NDUFAF6: variants seen among roughly 807,000 people sequenced by gnomAD.
The protein encoded by NDUFAF6 is NADH dehydrogenase (ubiquinone) complex I, assembly factor 6.
Under a neutral mutation model 40.8 loss-of-function variants are expected in NDUFAF6, and 45 were observed. The ratio of observed to expected loss-of-function variants is 1.10; its 90% CI spans 0.87 to 1.42. The LOEUF (loss-of-function observed/expected upper bound fraction) is 1.42. NDUFAF6 is among the 40% of genes most tolerant of loss of function. The pLI is 0.00. For synonymous variants in NDUFAF6, 185 were observed against 155.9 expected (o/e 1.19, Z -1.39); for missense variants, 435 against 418.5 (o/e 1.04, Z -0.34).
chr8:94,962,186 A>C (rs911089455), intron 1 of NDUFAF6, among the ~76,000 whole-genome samples: 2 of 152,254 alleles, frequency 1.3e-5, no homozygotes, highest in Non-Finnish European at 2.9e-5. Context: ...ACAGGTACAC[A>C]ATGCTCAGAG....
intron 2 of NDUFAF6, among the ~76,000 whole-genome samples, chr8:94,951,741 T>C (rs527562314): frequency 6.6e-6 from 1 of 152,256 alleles, no homozygotes; most frequent in Non-Finnish European, 1.5e-5. Flanking sequence ...TTAAAATTCT[T>C]TGCAGACACA....
At chr8:95,024,873 C>G, upstream of NDUFAF6, 1 of 762,986 alleles carries the variant, frequency 1.3e-6, no homozygotes, top group Non-Finnish European at 1.8e-6. Flanking sequence ...CACAGCGACA[C>G]CTGGCTCTTC....
At chr8:95,063,794 A>T (rs1178383916) in intron 9 of NDUFAF6, among the ~76,000 whole-genome samples, 2 of 151,826 alleles carry the variant, frequency 1.3e-5, no homozygotes, top group African/African-American at 4.8e-5. Context: ...GATCTCTTTT[A>T]TGGGTGTCAC....
At chr8:95,061,741 CA>C (rs960254299), downstream of NDUFAF6, among the ~76,000 whole-genome samples, 4 of 151,960 alleles carry the variant, frequency 2.6e-5, no homozygotes, top group Non-Finnish European at 5.9e-5. Context: ...GTTTGTTCAG[CA>C]AAAAGGAATA....
rs78890639 is a variant in NDUFAF6, at chr8:95,031,151, C to G, written c.198-844C>G. On this transcript the variant is annotated intron_variant, in intron 1 of 8. Coordinates refer to ENST00000396124, the MANE Select transcript of NDUFAF6 (RefSeq NM_152416.4). The stretch of plus-strand genomic sequence containing the variant: ...AGACAAATATCCAGATATCAGAGCC[C>G]TAGTTTCTTTCAGTGGAGAATGGTT... Among the ~76,000 whole-genome samples, 877 of 152,258 alleles carry G rather than the reference C, an allele frequency of 5.8e-3. 4 individuals are homozygous for G. The highest frequency in any genetic ancestry group is 0.02 in the African/African-American group (820 of 41,540).
chr8:94,917,953 G>A (rs1819248381), intron 1 of NDUFAF6, among the ~76,000 whole-genome samples: 1 of 152,174 alleles, frequency 6.6e-6, no homozygotes. Flanking sequence ...TCTGGGGGCT[G>A]TGAATTGATA....
At chr8:95,077,718 C>T (rs1014152892), downstream of NDUFAF6, among the ~76,000 whole-genome samples, 9 of 152,100 alleles carry the variant, frequency 5.9e-5, no homozygotes, top group African/African-American at 1.9e-4. Context: ...TTGTGGGAGA[C>T]GAGGAGTAGT....
chr8:95,034,817 C>T (rs990771694), intron 2 of NDUFAF6: 3 of 152,392 alleles, frequency 2.0e-5, no homozygotes, highest in Non-Finnish European at 4.4e-5. Context: ...AGACCATGTT[C>T]CTCATCAAAA....
At chr8:94,932,125 T>C in intron 1 of NDUFAF6, 1 of 1,606,204 alleles carries the variant, frequency 6.2e-7, no homozygotes, top group Non-Finnish European at 8.5e-7. Flanking sequence ...TGTTAAATGG[T>C]GAACTATTAA....
At chr8:95,099,173 G>A (rs1809574222), upstream of NDUFAF6, among the ~76,000 whole-genome samples, 4 of 152,048 alleles carry the variant, frequency 2.6e-5, no homozygotes, top group African/African-American at 2.4e-5. Flanking sequence ...CCAGGATGTT[G>A]AGGCTGCAGT....
At chr8:95,011,930 C>G (rs998422662) in intron 2 of NDUFAF6, among the ~76,000 whole-genome samples, 3 of 152,124 alleles carry the variant, frequency 2.0e-5, no homozygotes, top group African/African-American at 7.2e-5. Flanking sequence ...TACTGAAATT[C>G]TGGAGCCTTA....
At chr8:94,951,083 G>A (rs938196738) in intron 2 of NDUFAF6, 1 of 152,278 alleles carries the variant, frequency 6.6e-6, no homozygotes. Context: ...GGACTTCCAA[G>A]CCTCGTCATT....
intron 7 of NDUFAF6, among the ~76,000 whole-genome samples, chr8:95,049,320 G>A (rs1306480827): frequency 6.6e-6 from 1 of 152,086 alleles, no homozygotes; most frequent in East Asian, 1.9e-4. Flanking sequence ...TCTCCTGCCT[G>A]TCACTTTAGT....
intron 1 of NDUFAF6, among the ~76,000 whole-genome samples, chr8:94,904,319 G>A (rs11994426): frequency 5.5e-5 from 1 of 18,146 alleles, no homozygotes; most frequent in African/African-American, 2.8e-4. Context: ...AATTTTTTTT[G>A]CTTTTTTTTT....
At chr8:95,076,896 T>C (rs1808646465), downstream of NDUFAF6, among the ~76,000 whole-genome samples, 1 of 140,332 alleles carries the variant, frequency 7.1e-6, no homozygotes, top group African/African-American at 2.7e-5. Context: ...AAAAAATTCA[T>C]AGCACCTGGT....
At position 94,986,014 on chromosome 8, in the gene NDUFAF6, C is replaced by T. The variant is rs1010453244; in HGVS notation, c.-84+5041C>T. Among the ~76,000 whole-genome samples, 9 of 151,882 alleles carry T rather than the reference C, an allele frequency of 5.9e-5. No individual in the cohort carries two copies. The South Asian group carries it at 1.2e-3, about 21-fold the overall frequency. Reference sequence around the variant, plus strand: ...TCAGCCTCCCAAGTAGCTGGGACTACAGGCGTGTGCCACCATGCCCGGCTA... The same window carrying T: ...TCAGCCTCCCAAGTAGCTGGGACTATAGGCGTGTGCCACCATGCCCGGCTA... On this transcript the variant is annotated intron_variant, in intron 2 of 9. Coordinates refer to the NDUFAF6 transcript ENST00000396111.
intron 2 of NDUFAF6, among the ~76,000 whole-genome samples, chr8:95,083,139 C>T (rs1808932778): frequency 6.6e-6 from 1 of 152,176 alleles, no homozygotes; most frequent in South Asian, 2.1e-4. Flanking sequence ...TTTAACTTTT[C>T]AATCTAAATG....
At chr8:95,105,060 CACACACAGAG>C (rs1383830421), downstream of NDUFAF6, among the ~76,000 whole-genome samples, 15 of 58,958 alleles carry the variant, frequency 2.5e-4, no homozygotes, top group South Asian at 0.015. Context: ...CACACACACA[CACACACAGAG>C]AGAGAGAGAG....
At chr8:94,953,357 AAAAC>A (rs1397861213), upstream of NDUFAF6, among the ~76,000 whole-genome samples, 1 of 152,028 alleles carries the variant, frequency 6.6e-6, no homozygotes, top group African/African-American at 2.4e-5. Flanking sequence ...AAGAAAAAAA[AAAAC>A]AAAAAAAAAA....
Sources: allele counts gnomAD v4.1 joint callset (sites outside exome capture counted in the v4.1 genomes callset), GRCh38; gene constraint gnomAD v4.1.1; transcripts MANE v1.5; gene names NCBI Gene and HGNC (gene_info 2026-07-23, HGNC 2026-07-21).